The following KCNN2 variants were observed in gnomAD, a reference collection of about 807,000 sequenced individuals.
KCNN2 encodes potassium calcium-activated channel subfamily N member 2.
A neutral mutation model predicts 55.5 loss-of-function variants in KCNN2; 24 were observed. That is an observed-to-expected ratio of 0.43 (90% CI 0.31 to 0.61). The LOEUF is 0.61. KCNN2 is among the 20% of genes least tolerant of loss of function. The pLI is 0.08. For missense variants in KCNN2, 754 were observed against 853.6 expected, an observed-to-expected ratio of 0.88 and a Z score of 1.45; for synonymous variants, 431 against 336.1, an observed-to-expected ratio of 1.28 and a Z score of -3.09.
chr5:114,181,825 T>G (rs1325699800), intron 1 of KCNN2, among the ~76,000 whole-genome samples: 1 of 152,084 alleles, frequency 6.6e-6, no homozygotes, highest in African/African-American at 2.4e-5. Context: ...GAGACCAGCC[T>G]GGCCATGGTG....
intron 1 of KCNN2, among the ~76,000 whole-genome samples, chr5:114,217,360 A>C (rs919012170): frequency 3.3e-5 from 5 of 152,176 alleles, no homozygotes; most frequent in Admixed American, 6.5e-5. Flanking sequence ...TTAAATCTAC[A>C]GTAATCAAGA....
At chr5:114,402,337 A>C (rs1237178925) in intron 2 of KCNN2, among the ~76,000 whole-genome samples, 5 of 152,166 alleles carry the variant, frequency 3.3e-5, no homozygotes, top group Non-Finnish European at 7.3e-5. Flanking sequence ...ATCTGCCTGG[A>C]AGTTGTTTGA....
chr5:114,453,399 G>A (rs1275599892), intron 3 of KCNN2, among the ~76,000 whole-genome samples: 2 of 151,984 alleles, frequency 1.3e-5, no homozygotes, highest in African/African-American at 2.4e-5. Context: ...TATTTAGCTC[G>A]GTCTATTTTT....
chr5:114,125,970 A>G (rs897000451), intron 1 of KCNN2, among the ~76,000 whole-genome samples: 2 of 152,180 alleles, frequency 1.3e-5, no homozygotes, highest in Non-Finnish European at 2.9e-5. Context: ...GGAGGACACA[A>G]TTCAGCCCAT....
At chr5:114,328,630 C>T (rs1208637436) in intron 2 of KCNN2, among the ~76,000 whole-genome samples, 1 of 152,124 alleles carries the variant, frequency 6.6e-6, no homozygotes, top group Non-Finnish European at 1.5e-5. Flanking sequence ...AAACCAGCTG[C>T]CCAGTGCCTG....
At chr5:114,098,082 G>A (rs1751299005) in intron 1 of KCNN2, among the ~76,000 whole-genome samples, 1 of 152,038 alleles carries the variant, frequency 6.6e-6, no homozygotes, top group Non-Finnish European at 1.5e-5. Flanking sequence ...GTTTCTAGAG[G>A]CTGTGCTCCT....
At chr5:114,171,763 G>T (rs1356280532) in intron 1 of KCNN2, among the ~76,000 whole-genome samples, 1 of 151,196 alleles carries the variant, frequency 6.6e-6, no homozygotes, top group Non-Finnish European at 1.5e-5. Context: ...ATACCCTGAG[G>T]GCTACTCACT....
intron 1 of KCNN2, among the ~76,000 whole-genome samples, chr5:114,116,157 A>T (rs1561482327): frequency 6.6e-6 from 1 of 152,014 alleles, no homozygotes; most frequent in South Asian, 2.1e-4. Flanking sequence ...GCCAAGTAGA[A>T]AGTGAGACCT....
At chr5:114,422,094 A>G (rs1759487223) in intron 3 of KCNN2, among the ~76,000 whole-genome samples, 1 of 152,232 alleles carries the variant, frequency 6.6e-6, no homozygotes, top group Non-Finnish European at 1.5e-5. Context: ...TTTTTCCAAC[A>G]TCAGTGCTAG....
At chr5:114,264,276 A>G (rs1378232686) in intron 2 of KCNN2, among the ~76,000 whole-genome samples, 2 of 152,060 alleles carry the variant, frequency 1.3e-5, no homozygotes, top group African/African-American at 2.4e-5. Context: ...CTTTCTGTAT[A>G]TGAATTATAA....
At chr5:114,369,909 G>T (rs990304959) in intron 2 of KCNN2, among the ~76,000 whole-genome samples, 4 of 152,072 alleles carry the variant, frequency 2.6e-5, no homozygotes, top group African/African-American at 9.7e-5. Flanking sequence ...GGCACTGTGG[G>T]CTGTCATCCC....
intron 2 of KCNN2, among the ~76,000 whole-genome samples, chr5:114,345,218 A>G (rs1344501366): frequency 2.6e-5 from 4 of 152,198 alleles, no homozygotes; most frequent in Admixed American, 1.3e-4. Context: ...AGTAAAGGGT[A>G]AAAGAATACA....
At chr5:114,062,365 A>G (rs775504352) in intron 1 of KCNN2, among the ~76,000 whole-genome samples, 5 of 152,204 alleles carry the variant, frequency 3.3e-5, no homozygotes, top group Non-Finnish European at 7.3e-5. Context: ...AGAAGTACTG[A>G]AAGAGCACCC....
intron 2 of KCNN2, among the ~76,000 whole-genome samples, chr5:114,379,665 TATA>T (rs1375618076): frequency 7.3e-4 from 69 of 93,900 alleles, no homozygotes; most frequent in African/African-American, 4.0e-3. Context: ...CATATATATT[TATA>T]GAATATATTA....
chr5:114,333,851 T>A lies in KCNN2; in HGVS notation c.-184-27094T>A, dbSNP rs1169258082. 2.0e-5 allele frequency among the ~76,000 whole-genome samples: 3 copies of A among 152,208 alleles called. No homozygotes were observed. In the East Asian group the frequency reaches 5.8e-4, roughly 29 times the overall value. ...CATAAAAATGCCATTGTGCTTAACT[T>A]TAGTTGTCTACTCGTAGCTGTCAAC... On this transcript the variant is annotated intron_variant, in intron 2 of 10. Transcript: ENST00000512097.
In KCNN2 at chr5:114,362,556, C is replaced by A. The variant is rs900455649; in HGVS notation, c.417C>A (p.Leu139=). The A allele has an allele frequency of 1.1e-5, 7 of 612,586 alleles. No homozygotes were observed. Among genetic ancestry groups the A allele is most frequent in the Middle Eastern group, 4.4e-4 (1 of 2,274 alleles). 37.9% of individuals were successfully genotyped at this position (612,586 alleles called of 1,614,324 possible). A position where few individuals can be genotyped will look rare whatever the true frequency, so the allele number is the denominator to read the frequency against. Residue 139 remains leucine, a synonymous_variant, in exon 1 of 8, where the codon CTC becomes CTA. Coordinates refer to ENST00000673685, the MANE Select transcript of KCNN2 (RefSeq NM_021614.4). The part of the protein sequence containing the change: ...ELTPSSHASA[L]RQQYAQQSAQ... ...CGCCGTCCAGCCATGCCAGTGCGCT[C>A]CGGCAGCAGTACGCGCAGCAGTCCG...
intron 1 of KCNN2, among the ~76,000 whole-genome samples, chr5:114,128,101 G>C (rs980207670): frequency 2.0e-5 from 3 of 152,064 alleles, no homozygotes; most frequent in Non-Finnish European, 4.4e-5. Context: ...TTGTTACCCA[G>C]TTCTAAAGTT....
intron 1 of KCNN2, among the ~76,000 whole-genome samples, chr5:114,073,830 C>T (rs1284097989): frequency 6.6e-6 from 1 of 152,140 alleles, no homozygotes; most frequent in Admixed American, 6.5e-5. Context: ...CAGAAGAGAA[C>T]AATATTGAAT....
rs144669799 is a variant in KCNN2, at chr5:114,284,638, C to A, written c.-185+63073C>A. Among the ~76,000 whole-genome samples, 27 of 152,172 alleles carry A rather than the reference C, an allele frequency of 1.8e-4. No individual in the cohort carries two copies. In the East Asian group the frequency reaches 5.3e-3, roughly 30 times the overall value. Reference sequence around the variant, plus strand: ...GTTCAAGTGATTCTCCTGCCTCAGCCTCCCCAGTAGCTGGAATTAAAGGAA... The same window carrying A: ...GTTCAAGTGATTCTCCTGCCTCAGCATCCCCAGTAGCTGGAATTAAAGGAA... On this transcript the variant is annotated intron_variant, in intron 2 of 10. Coordinates refer to the KCNN2 transcript ENST00000512097.
Sources: gnomAD v4.1 joint callset for allele counts (sites outside exome capture counted in the v4.1 genomes callset) on GRCh38, gnomAD v4.1.1 for gene constraint, MANE v1.5 for transcripts, NCBI Gene and HGNC (gene_info 2026-07-23, HGNC 2026-07-21) for gene names.